The following OPCML variants were observed in gnomAD, a reference collection of about 807,000 sequenced individuals.
The protein encoded by OPCML is opioid-binding protein/cell adhesion molecule.
Under a neutral mutation model 37.8 loss-of-function variants are expected in OPCML, and 13 were observed. The ratio of observed to expected loss-of-function variants is 0.34; its 90% CI spans 0.22 to 0.55. The LOEUF (loss-of-function observed/expected upper bound fraction) is 0.55, where lower values mean the gene tolerates loss of function less well. Among genes scored for constraint, OPCML ranks in the 20% least tolerant of loss-of-function variants. The pLI, the probability that OPCML is intolerant of heterozygous loss-of-function variation, is 0.91. For synonymous variants in OPCML, 176 were observed against 168.8 expected (o/e 1.04, Z -0.33); for missense variants, 341 against 435.6 (o/e 0.78, Z 1.93).
chr11:133,195,502 T>C (rs906049137), intron 1 of OPCML, among the ~76,000 whole-genome samples: 5 of 152,210 alleles, frequency 3.3e-5, no homozygotes. Flanking sequence ...TTGGATTCTA[T>C]TTCCGCATTC....
At chr11:133,176,857 A>C (rs1253348361) in intron 1 of OPCML, among the ~76,000 whole-genome samples, 1 of 152,244 alleles carries the variant, frequency 6.6e-6, no homozygotes, top group East Asian at 1.9e-4. Flanking sequence ...CTGTGGTCTA[A>C]AAATAAATCG....
intron 1 of OPCML, among the ~76,000 whole-genome samples, chr11:133,332,445 A>G (rs1943640559): frequency 6.6e-6 from 1 of 152,108 alleles, no homozygotes; most frequent in African/African-American, 2.4e-5. Flanking sequence ...TGATTTGGCT[A>G]GCACTTCCCA....
At chr11:133,233,673 G>A (rs1188363382) in intron 1 of OPCML, among the ~76,000 whole-genome samples, 1 of 152,064 alleles carries the variant, frequency 6.6e-6, no homozygotes, top group Non-Finnish European at 1.5e-5. Context: ...TGTTAAAATG[G>A]TATATAAGTC....
At chr11:132,957,795 C>A (rs1946003324) in intron 1 of OPCML, among the ~76,000 whole-genome samples, 1 of 152,168 alleles carries the variant, frequency 6.6e-6, no homozygotes, top group African/African-American at 2.4e-5. Context: ...GCAGCACGAG[C>A]TATGCTCATG....
At chr11:132,844,625 C>T (rs1941441909) in intron 2 of OPCML, among the ~76,000 whole-genome samples, 1 of 152,138 alleles carries the variant, frequency 6.6e-6, no homozygotes, top group Non-Finnish European at 1.5e-5. Flanking sequence ...GGGCTAAAAA[C>T]ATTTTCTGTA....
chr11:132,847,081 T>C lies in OPCML; in HGVS notation c.146+95845A>G, dbSNP rs76094685. Among the ~76,000 whole-genome samples the C allele has an allele frequency of 4.5e-4, 69 of 152,304 alleles. No homozygotes were observed. The East Asian group carries it at 0.013, about 28-fold the overall frequency. ...ATAATATGATACATCTTGGAGAGTT[T>C]GCTTATTTGTCAGCCTAAAACATCT... On this transcript the variant is annotated intron_variant, in intron 2 of 7. Transcript: ENST00000524381.
rs59792815 is a variant in OPCML, at chr11:133,137,446, T to C, written c.62-194436A>G. Among the ~76,000 whole-genome samples the C allele has an allele frequency of 9.7e-3, 1,471 of 152,310 alleles. 23 individuals are homozygous for C. Among genetic ancestry groups the C allele is most frequent in the African/African-American group, 0.033 (1,389 of 41,562 alleles). On this transcript the variant is annotated intron_variant, in intron 1 of 7. Coordinates refer to ENST00000524381, the MANE Select transcript of OPCML (RefSeq NM_001012393.5). ...AGATGTTGATATTACTTGCCATGTG[T>C]CTGTTTGCTTGTTTTAAATAGAGGA...
At chr11:132,420,773 CT>C (rs1199823173) in intron 7 of OPCML, among the ~76,000 whole-genome samples, 3 of 152,160 alleles carry the variant, frequency 2.0e-5, no homozygotes, top group Non-Finnish European at 4.4e-5. Flanking sequence ...ACTTGTCAAC[CT>C]CAATGCATGC....
At chr11:132,602,799 C>T (rs1388058236) in intron 3 of OPCML, among the ~76,000 whole-genome samples, 2 of 152,210 alleles carry the variant, frequency 1.3e-5, no homozygotes, top group African/African-American at 4.8e-5. Context: ...TGAGGTCCAG[C>T]AATGCAGTAA....
intron 3 of OPCML, among the ~76,000 whole-genome samples, chr11:132,589,334 C>T: frequency 6.6e-6 from 1 of 152,066 alleles, no homozygotes; most frequent in East Asian, 1.9e-4. Flanking sequence ...AAAAAGTAGC[C>T]CATTGAACAT....
chr11:132,808,807 T>C (rs1225228859), intron 2 of OPCML, among the ~76,000 whole-genome samples: 1 of 152,204 alleles, frequency 6.6e-6, no homozygotes, highest in Non-Finnish European at 1.5e-5. Flanking sequence ...TTGATTATCC[T>C]ATTAATAGGC....
At chr11:133,358,472 G>C (rs759380897) in intron 1 of OPCML, among the ~76,000 whole-genome samples, 2 of 152,122 alleles carry the variant, frequency 1.3e-5, no homozygotes, top group Non-Finnish European at 2.9e-5. Context: ...TTATTTCTTC[G>C]TCGTCATTTA....
chr11:132,922,129 C>T (rs766182529), intron 2 of OPCML, among the ~76,000 whole-genome samples: 31 of 152,090 alleles, frequency 2.0e-4, no homozygotes, highest in Admixed American at 1.2e-3. Flanking sequence ...CCACCCGCCT[C>T]GGCCTCCCAA....
At chr11:133,284,814 G>A (rs547492907) in intron 1 of OPCML, among the ~76,000 whole-genome samples, 7 of 151,972 alleles carry the variant, frequency 4.6e-5, no homozygotes, top group Admixed American at 1.3e-4. Context: ...TGCAAAATAG[G>A]GATAATAATA....
intron 1 of OPCML, among the ~76,000 whole-genome samples, chr11:132,989,505 T>A (rs137863156): frequency 1.8e-3 from 274 of 152,100 alleles, no homozygotes; most frequent in African/African-American, 6.3e-3. Context: ...AAGATACACA[T>A]GGAATTCTGA....
chr11:132,716,941 A>G lies in OPCML; in HGVS notation c.147-59622T>C, dbSNP rs185314880. Among the ~76,000 whole-genome samples the G allele has an allele frequency of 5.8e-4, 89 of 152,324 alleles. 2 individuals carry two copies. The highest frequency in any genetic ancestry group is 5.4e-3 in the South Asian group (26 of 4,830). On this transcript the variant is annotated intron_variant, in intron 2 of 7. Transcript: ENST00000524381. ...AAAATGGATATAGTACATGAATAAA[A>G]CTTTACAAAAAGAAGGATTTATAGT...
At chr11:133,114,619 C>T (rs1949304076) in intron 1 of OPCML, among the ~76,000 whole-genome samples, 2 of 152,164 alleles carry the variant, frequency 1.3e-5, no homozygotes, top group South Asian at 4.1e-4. Context: ...CATGGCCTAA[C>T]TGCTCCCCTC....
chr11:133,213,755 G>C (rs1262194635), intron 1 of OPCML, among the ~76,000 whole-genome samples: 2 of 152,106 alleles, frequency 1.3e-5, no homozygotes, highest in African/African-American at 2.4e-5. Context: ...TCTTCAGGGG[G>C]TTTAGACATG....
intron 1 of OPCML, among the ~76,000 whole-genome samples, chr11:133,137,741 T>C (rs1949712880): frequency 6.6e-6 from 1 of 152,090 alleles, no homozygotes; most frequent in African/African-American, 2.4e-5. Flanking sequence ...AACCTAAAGG[T>C]TGTCATTGTT....
Sources: allele counts gnomAD v4.1 joint callset (sites outside exome capture counted in the v4.1 genomes callset), GRCh38; gene constraint gnomAD v4.1.1; transcripts MANE v1.5; gene names NCBI Gene and HGNC (gene_info 2026-07-23, HGNC 2026-07-21).